The following CEP85L variants were observed in gnomAD, a reference collection of about 807,000 sequenced individuals.
The protein encoded by CEP85L is centrosomal protein of 85 kDa-like.
A neutral mutation model predicts 100.3 loss-of-function variants in CEP85L; 60 were observed. The observed-to-expected ratio is 0.60, with a 90% CI of 0.49 to 0.74. The LOEUF (loss-of-function observed/expected upper bound fraction) is 0.74, where lower values mean the gene tolerates loss of function less well. Among genes scored for constraint, CEP85L ranks in the 30% least tolerant of loss-of-function variants. The pLI is 0.00. For synonymous variants in CEP85L, 319 were observed against 322.7 expected, an observed-to-expected ratio of 0.99 and a Z score of 0.12; for missense variants, 973 against 936.2, an observed-to-expected ratio of 1.04 and a Z score of -0.51.
intron 1 of CEP85L, among the ~76,000 whole-genome samples, chr6:118,646,592 C>A (rs967542005): frequency 9.9e-5 from 15 of 151,900 alleles, no homozygotes; most frequent in African/African-American, 3.4e-4. Context: ...TCGCTTGAAC[C>A]CCGGAGACGG....
intron 3 of CEP85L, among the ~76,000 whole-genome samples, chr6:118,531,254 G>A (rs775819989): frequency 6.6e-6 from 1 of 151,884 alleles, no homozygotes; most frequent in African/African-American, 2.4e-5. Flanking sequence ...AATCAAAAGA[G>A]AAAGGAAAGG....
chr6:118,478,820 G>A (rs946248595), intron 10 of CEP85L, among the ~76,000 whole-genome samples: 2 of 152,118 alleles, frequency 1.3e-5, no homozygotes, highest in African/African-American at 4.8e-5. Flanking sequence ...ATTGCAGTAA[G>A]ATGCCTCCAC....
intron 3 of CEP85L, among the ~76,000 whole-genome samples, chr6:118,534,632 T>C (rs78412427): frequency 0.027 from 4,119 of 152,092 alleles, 190 homozygotes; most frequent in African/African-American, 0.093. Flanking sequence ...TGAAACAGAA[T>C]AAAGATCCAC....
At chr6:118,637,890 CAAAT>C (rs1223762656) in intron 1 of CEP85L, among the ~76,000 whole-genome samples, 1 of 151,780 alleles carries the variant, frequency 6.6e-6, no homozygotes, top group Non-Finnish European at 1.5e-5. Context: ...GGGAAAAACA[CAAAT>C]AAAAAATTCT....
chr6:118,651,144 G>C (rs1775526909), intron 1 of CEP85L, 53 bp downstream of exon 1: 1 of 1,458,596 alleles, frequency 6.9e-7, no homozygotes, highest in East Asian at 3.0e-5. Flanking sequence ...GTCCCGAGGC[G>C]CCGCGGTCGG....
chr6:118,666,551 C>G (rs894152397), intron 1 of CEP85L, among the ~76,000 whole-genome samples: 1 of 152,124 alleles, frequency 6.6e-6, no homozygotes, highest in Non-Finnish European at 1.5e-5. Flanking sequence ...TCATTCAATC[C>G]TCACATTAGT....
At chr6:118,540,821 G>C (rs959579298) in intron 3 of CEP85L, among the ~76,000 whole-genome samples, 3 of 152,060 alleles carry the variant, frequency 2.0e-5, no homozygotes, top group Non-Finnish European at 4.4e-5. Flanking sequence ...TTGCGGTCTA[G>C]CCTCATTTCA....
At chr6:118,652,260 G>A (rs1562341675), upstream of CEP85L, 2 of 328,516 alleles carry the variant, frequency 6.1e-6, no homozygotes, top group Non-Finnish European at 8.8e-6. Flanking sequence ...TCTGTAAAGG[G>A]AGCCCTTTCC....
intron 2 of CEP85L, among the ~76,000 whole-genome samples, chr6:118,570,985 G>C (rs1208406926): frequency 6.6e-6 from 1 of 151,612 alleles, no homozygotes; most frequent in Non-Finnish European, 1.5e-5. Flanking sequence ...TAAATATTTA[G>C]TATTTATAAG....
At chr6:118,538,509 T>C (rs1447467594) in intron 3 of CEP85L, among the ~76,000 whole-genome samples, 10 of 152,070 alleles carry the variant, frequency 6.6e-5, no homozygotes, top group Non-Finnish European at 1.5e-4. Flanking sequence ...TATTATCTCT[T>C]TTCTTTTGGA....
At chr6:118,509,302 A>G (rs1221107881) in intron 5 of CEP85L, among the ~76,000 whole-genome samples, 1 of 152,078 alleles carries the variant, frequency 6.6e-6, no homozygotes. Context: ...TTTATTCCGA[A>G]TGACAGAATG....
At position 118,463,106 on chromosome 6, in the gene CEP85L, G is replaced by A. The variant is rs1433388307; in HGVS notation, c.*2299C>T. ...CTAAGTCAGAAATTTTTTAACTTTG[G>A]AATTTTATTTTTAAGATACGTGAAT... is the stretch of plus-strand genomic sequence containing the variant. On this transcript the variant is annotated 3_prime_UTR_variant, in exon 13 of 13. Coordinates refer to ENST00000368491, the MANE Select transcript of CEP85L (RefSeq NM_001042475.3). 1 of 151,586 alleles carries A rather than the reference G, an allele frequency of 6.6e-6. No homozygotes were observed. Among genetic ancestry groups the A allele is most frequent in the East Asian group, 1.9e-4 (1 of 5,184 alleles). The allele number at this position is 151,586 out of a possible 1,614,324, so 9.4% of individuals were successfully genotyped here. A position where few individuals can be genotyped will look rare whatever the true frequency, so the allele number is the denominator to read the frequency against.
intron 3 of CEP85L, chr6:118,560,717 T>G (rs2114977343): frequency 6.0e-6 from 1 of 165,656 alleles, no homozygotes; most frequent in African/African-American, 2.4e-5. Context: ...ATTATTTTCT[T>G]GATGAATAAA....
chr6:118,477,986 T>A (rs1019428386), intron 10 of CEP85L, among the ~76,000 whole-genome samples: 1 of 152,048 alleles, frequency 6.6e-6, no homozygotes, highest in Non-Finnish European at 1.5e-5. Context: ...ATAATCTACA[T>A]AGGTATAAGC....
intron 3 of CEP85L, among the ~76,000 whole-genome samples, chr6:118,531,267 T>C (rs1023079856): frequency 1.3e-5 from 2 of 152,096 alleles, no homozygotes; most frequent in African/African-American, 4.8e-5. Flanking sequence ...AGGAAAGGAC[T>C]CCCTGTTCAA....
At chr6:118,640,671 C>T (rs1774803313) in intron 1 of CEP85L, among the ~76,000 whole-genome samples, 1 of 152,004 alleles carries the variant, frequency 6.6e-6, no homozygotes, top group Non-Finnish European at 1.5e-5. Flanking sequence ...ATTACAGGCA[C>T]ACACCACCAT....
At chr6:118,650,034 T>C (rs1410155441) in intron 1 of CEP85L, among the ~76,000 whole-genome samples, 1 of 152,164 alleles carries the variant, frequency 6.6e-6, no homozygotes, top group Non-Finnish European at 1.5e-5. Context: ...CAGAAAATAT[T>C]ACCATCAAAA....
chr6:118,520,683 G>A (rs1039819573), intron 4 of CEP85L, among the ~76,000 whole-genome samples: 2 of 151,960 alleles, frequency 1.3e-5, no homozygotes, highest in African/African-American at 2.4e-5. Context: ...CTCTGTATTC[G>A]CTACTTCCCC....
chr6:118,611,978 A>T (rs1772660041), intron 2 of CEP85L, among the ~76,000 whole-genome samples: 1 of 152,230 alleles, frequency 6.6e-6, no homozygotes, highest in Admixed American at 6.5e-5. Flanking sequence ...AACTCAACAT[A>T]AACAAGATCT....
Sources: allele counts gnomAD v4.1 joint callset (sites outside exome capture counted in the v4.1 genomes callset), GRCh38; gene constraint gnomAD v4.1.1; transcripts MANE v1.5; gene names NCBI Gene and HGNC (gene_info 2026-07-23, HGNC 2026-07-21).